Variants in CATSPERB observed in about 807,000 individuals in gnomAD.
CATSPERB encodes the protein cation channel sperm-associated auxiliary subunit beta.
Under a neutral mutation model 128.3 loss-of-function variants are expected in CATSPERB, and 93 were observed. The observed-to-expected ratio is 0.72, with a 90% CI of 0.61 to 0.86. The LOEUF (loss-of-function observed/expected upper bound fraction) is 0.86. CATSPERB is among the 40% of genes least tolerant of loss of function. The pLI is 0.00. For missense variants in CATSPERB, 1,153 were observed against 1,329.5 expected, an observed-to-expected ratio of 0.87 and a Z score of 2.06; for synonymous variants, 381 against 448.8, an observed-to-expected ratio of 0.85 and a Z score of 1.91.
At position 91,603,421 on chromosome 14, in the gene CATSPERB, T is replaced by C. The variant is rs1595141759; in HGVS notation, c.2709+4873A>G. The C allele has an allele frequency of 5.0e-6, 8 of 1,600,926 alleles. No homozygotes were observed. In the East Asian group the frequency reaches 1.8e-4, roughly 36 times the overall value. On this transcript the variant is annotated intron_variant, in intron 22 of 26. Transcript: ENST00000256343. The stretch of plus-strand genomic sequence containing the variant: ...GTATAAGCAGCACGTCCTCATCCTT[T>C]ATTCCCAGCCATCAGAACTAGTTAT...
At chr14:91,666,882 T>C (rs143827199) in intron 14 of CATSPERB, among the ~76,000 whole-genome samples, 1 of 152,318 alleles carries the variant, frequency 6.6e-6, no homozygotes, top group Non-Finnish European at 1.5e-5. Context: ...CAACAAATTA[T>C]AGTCCAGATT....
At chr14:91,681,277 C>T (rs183926389) in intron 11 of CATSPERB, among the ~76,000 whole-genome samples, 95 of 152,184 alleles carry the variant, frequency 6.2e-4, no homozygotes, top group African/African-American at 2.2e-3. Flanking sequence ...TCTGCCTATC[C>T]TCTGATTCAA....
At chr14:91,663,974 A>G (rs1280878651) in intron 14 of CATSPERB, among the ~76,000 whole-genome samples, 2 of 152,140 alleles carry the variant, frequency 1.3e-5, no homozygotes, top group African/African-American at 2.4e-5. Context: ...CATAGTTTAC[A>G]TTAGGGACCA....
rs562224203 is a variant in CATSPERB, at chr14:91,724,515, T to A, written c.168+565A>T. Among the ~76,000 whole-genome samples, 5 of 152,316 alleles carry A rather than the reference T, an allele frequency of 3.3e-5. No individual in the cohort carries two copies. In the South Asian group the frequency reaches 1.0e-3, roughly 32 times the overall value. The stretch of plus-strand genomic sequence containing the variant: ...CATGGAGTCTTTTTCTTTGTTTTTA[T>A]TATATATATTTATCATAGATTTTTA... On this transcript the variant is annotated intron_variant, in intron 3 of 26. Transcript: ENST00000256343.
chr14:91,730,278 ACAGAGGGAAGACATT>A (rs1412365909), intron 1 of CATSPERB, among the ~76,000 whole-genome samples: 1 of 152,180 alleles, frequency 6.6e-6, no homozygotes, highest in African/African-American at 2.4e-5. Flanking sequence ...AAGTGAAGAC[ACAGAGGGAAGACATT>A]CAGAGGGAAG....
Position 91,694,769 on chromosome 14 carries a change from T to A in CATSPERB, c.617-1290A>T, listed in dbSNP as rs1179944608. The stretch of plus-strand genomic sequence containing the variant: ...ATTGAACACATCACAAATCCTAAAG[T>A]ACTTTGTTCCCCAACCCCACCTTTT... On this transcript the variant is annotated intron_variant, in intron 7 of 26. Coordinates refer to ENST00000256343, the MANE Select transcript of CATSPERB (RefSeq NM_024764.4). Among the ~76,000 whole-genome samples the A allele has an allele frequency of 3.9e-5, 6 of 152,186 alleles. No individual in the cohort carries two copies. The East Asian group carries it at 1.2e-3, about 29-fold the overall frequency.
chr14:91,668,925 G>A (rs1895037922), intron 14 of CATSPERB, among the ~76,000 whole-genome samples: 1 of 152,216 alleles, frequency 6.6e-6, no homozygotes, highest in Admixed American at 6.5e-5. Context: ...ATTCATTCTT[G>A]AAGTCAGCGA....
chr14:91,671,570 A>G (rs1363438917), intron 13 of CATSPERB, among the ~76,000 whole-genome samples: 1 of 151,706 alleles, frequency 6.6e-6, no homozygotes, highest in African/African-American at 2.4e-5. Context: ...CAGCCTGGGC[A>G]GCAGAGCGAG....
At chr14:91,588,142 A>T in intron 24 of CATSPERB, 64 bp from the exon 25 acceptor site, 1 of 993,022 alleles carries the variant, frequency 1.0e-6, no homozygotes, top group South Asian at 1.5e-5. Context: ...AGGTTGGTGC[A>T]AAAGTAATTG....
intron 5 of CATSPERB, among the ~76,000 whole-genome samples, chr14:91,717,375 T>C (rs976387366): frequency 6.6e-6 from 1 of 152,056 alleles, no homozygotes; most frequent in Non-Finnish European, 1.5e-5. Flanking sequence ...TATTTTAAAA[T>C]GAAAAAAAGG....
At chr14:91,629,151 C>T (rs890504733) in intron 17 of CATSPERB, among the ~76,000 whole-genome samples, 16 of 152,054 alleles carry the variant, frequency 1.1e-4, no homozygotes, top group East Asian at 3.9e-4. Flanking sequence ...AAATAAACTG[C>T]GGGATACTCA....
intron 15 of CATSPERB, among the ~76,000 whole-genome samples, chr14:91,640,379 T>C: frequency 9.9e-6 from 1 of 100,828 alleles, no homozygotes; most frequent in African/African-American, 4.3e-5. Context: ...TATCTCCCAA[T>C]GCTATCCCTC....
intron 7 of CATSPERB, among the ~76,000 whole-genome samples, chr14:91,702,344 T>C (rs549495765): frequency 4.7e-5 from 7 of 150,236 alleles, no homozygotes; most frequent in Non-Finnish European, 7.4e-5. Context: ...AATTATTAGG[T>C]TGGTGCAAAA....
chr14:91,690,420 A>G (rs1285316800), intron 10 of CATSPERB, among the ~76,000 whole-genome samples: 6 of 152,154 alleles, frequency 3.9e-5, no homozygotes, highest in African/African-American at 9.7e-5. Context: ...CTGCTCTCCC[A>G]GGTCTTAGAA....
At chr14:91,600,632 ACATT>A (rs547254720) in intron 22 of CATSPERB, among the ~76,000 whole-genome samples, 131 of 152,380 alleles carry the variant, frequency 8.6e-4, no homozygotes, top group African/African-American at 3.0e-3. Flanking sequence ...CTGCAAAATA[ACATT>A]CACTTTCCTA....
At chr14:91,720,412 A>T (rs1448534399) in intron 4 of CATSPERB, among the ~76,000 whole-genome samples, 1 of 151,450 alleles carries the variant, frequency 6.6e-6, no homozygotes, top group East Asian at 1.9e-4. Context: ...ATCAACATAT[A>T]AAAATCAATT....
intron 15 of CATSPERB, among the ~76,000 whole-genome samples, chr14:91,643,106 C>A (rs1481990359): frequency 2.8e-5 from 1 of 35,802 alleles, no homozygotes; most frequent in Non-Finnish European, 5.6e-5. Context: ...CTCTTTTTTT[C>A]TTTATTAGTC....
Position 91,678,119 on chromosome 14 carries a change from C to T in CATSPERB, c.932-3897G>A, listed in dbSNP as rs571143642. Among the ~76,000 whole-genome samples the T allele has an allele frequency of 3.0e-4, 46 of 152,240 alleles. 1 individual carries two copies. The highest frequency in any genetic ancestry group is 2.4e-3 in the Admixed American group (37 of 15,294). On this transcript the variant is annotated intron_variant, in intron 11 of 26. Transcript: ENST00000256343. ...GGGGAGAGAGCATTAGGACAAATAGCTAATGCATGTGGGGCTTAAAACCTA... is the reference window on the plus strand; with the variant it reads ...GGGGAGAGAGCATTAGGACAAATAGTTAATGCATGTGGGGCTTAAAACCTA...
At chr14:91,694,137 TTTTTATCCTGTTAC>T (rs1275844859) in intron 7 of CATSPERB, among the ~76,000 whole-genome samples, 1 of 152,082 alleles carries the variant, frequency 6.6e-6, no homozygotes, top group Non-Finnish European at 1.5e-5. Flanking sequence ...AATTGTGTGC[TTTTTATCCTGTTAC>T]TCTGTTATTT....
Sources: gnomAD v4.1 joint callset for allele counts (sites outside exome capture counted in the v4.1 genomes callset) on GRCh38, gnomAD v4.1.1 for gene constraint, MANE v1.5 for transcripts, NCBI Gene and HGNC (gene_info 2026-07-23, HGNC 2026-07-21) for gene names.